BCKDHB: variants seen among roughly 807,000 people sequenced by gnomAD.
BCKDHB encodes branched chain keto acid dehydrogenase E1 subunit beta.
BCKDHB carries 41 observed loss-of-function variants against 48.5 expected under a neutral mutation model. The ratio of observed to expected loss-of-function variants is 0.85; its 90% CI spans 0.66 to 1.10. BCKDHB has a LOEUF of 1.10. Among genes scored for constraint, BCKDHB ranks in the 50% least tolerant of loss-of-function variants. BCKDHB has a pLI of 0.00. For synonymous variants in BCKDHB, 201 were observed against 174.8 expected (o/e 1.15, Z -1.18); for missense variants, 496 against 494.2 (o/e 1.00, Z -0.03).
At chr6:80,402,755 T>G in the BCKDHB span, among the ~76,000 whole-genome samples, 1 of 151,942 alleles carries the variant, frequency 6.6e-6, no homozygotes, top group East Asian at 1.9e-4. Context: ...ATTAAGTCTT[T>G]AATCCATTTT....
rs544273049 is a variant in BCKDHB at position 80,137,951 on chromosome 6, G to A, written c.343+8722G>A. On this transcript the variant is annotated intron_variant, in intron 3 of 9. Transcript: ENST00000320393. ...AAAATTAAAAAAAAAAAATAGCTGA[G>A]CAGGGTGGCACACAGCTGTAGTCCA... is the stretch of plus-strand genomic sequence containing the variant. Among the ~76,000 whole-genome samples the A allele has an allele frequency of 3.9e-5, 6 of 152,048 alleles. No individual in the cohort carries two copies. The South Asian group carries it at 1.2e-3, about 32-fold the overall frequency.
At chr6:80,341,104 A>T (rs80085074) in intron 9 of BCKDHB, among the ~76,000 whole-genome samples, 2,348 of 149,200 alleles carry the variant, frequency 0.016, 25 homozygotes, top group Non-Finnish European at 0.022. Flanking sequence ...TCTTAAAAAG[A>T]CTGATATCCT....
chr6:80,432,058 A>G, the BCKDHB span, among the ~76,000 whole-genome samples: 1 of 151,816 alleles, frequency 6.6e-6, no homozygotes, highest in Admixed American at 6.6e-5. Context: ...CTGCAGAGAG[A>G]TCCACTGTTA....
the BCKDHB span, among the ~76,000 whole-genome samples, chr6:80,378,403 G>A: frequency 6.6e-6 from 1 of 151,966 alleles, no homozygotes; most frequent in East Asian, 1.9e-4. Context: ...TTGCTGCAAA[G>A]ACATGATTTT....
At chr6:80,385,487 C>T in the BCKDHB span, among the ~76,000 whole-genome samples, 1 of 152,024 alleles carries the variant, frequency 6.6e-6, no homozygotes, top group African/African-American at 2.4e-5. Context: ...ACCTTTTTTG[C>T]CAGAAGAAAC....
intron 8 of BCKDHB, among the ~76,000 whole-genome samples, chr6:80,248,569 A>G (rs931924593): frequency 2.0e-5 from 3 of 152,174 alleles, no homozygotes; most frequent in Admixed American, 6.6e-5. Context: ...TGGCTTGACT[A>G]CAGGATCAGT....
intron 4 of BCKDHB, 37 bp from the exon 5 acceptor site, chr6:80,168,838 C>G (rs1398675900): frequency 1.3e-6 from 2 of 1,585,622 alleles, no homozygotes; most frequent in East Asian, 4.6e-5. Flanking sequence ...GGGAAGGACT[C>G]ATTGTGCCAT....
intron 3 of BCKDHB, among the ~76,000 whole-genome samples, chr6:80,144,320 TTTTG>T (rs1771366096): frequency 6.6e-6 from 1 of 152,208 alleles, no homozygotes. Flanking sequence ...GCACTTTTTC[TTTTG>T]TCAAATAAAG....
the BCKDHB span, among the ~76,000 whole-genome samples, chr6:80,435,891 G>A: frequency 1.3e-5 from 2 of 152,286 alleles, no homozygotes; most frequent in East Asian, 3.9e-4. Context: ...AGATTAGCTG[G>A]CTGTAGTGGC....
At position 80,167,781 on chromosome 6, in the gene BCKDHB, T is replaced by C. The variant is rs35969420; in HGVS notation, c.447T>C (p.Phe149=). ...TGATAIAEIQ[F]ADYIFPAFDQ... is the part of the protein sequence containing the mutation. ...CTACTGCCATTGCGGAAATTCAGTT[T>C]GCAGATTATATTTTCCCTGCATTTG... The change falls in exon 4 of 10, where the codon TTT becomes TTC. Residue 149 remains phenylalanine (F), a synonymous_variant. Coordinates refer to ENST00000320393, the MANE Select transcript of BCKDHB (RefSeq NM_183050.4). 534 of 1,614,006 alleles carry C rather than the reference T, an allele frequency of 3.3e-4. 3 individuals are homozygous for C. The African/African-American group carries it at 6.0e-3, about 18-fold the overall frequency.
At chr6:80,316,804 A>G (rs1389600988) in intron 9 of BCKDHB, among the ~76,000 whole-genome samples, 1 of 152,364 alleles carries the variant, frequency 6.6e-6, no homozygotes, top group Admixed American at 6.5e-5. Context: ...TGTTTCATGC[A>G]TAGACTATGC....
chr6:80,304,172 T>C (rs1767734034), intron 9 of BCKDHB, among the ~76,000 whole-genome samples: 1 of 152,148 alleles, frequency 6.6e-6, no homozygotes, highest in Non-Finnish European at 1.5e-5. Context: ...ATGTGAGCAA[T>C]ACTGTGGTAT....
At chr6:80,215,647 C>T (rs956568972) in intron 8 of BCKDHB, among the ~76,000 whole-genome samples, 1 of 152,190 alleles carries the variant, frequency 6.6e-6, no homozygotes, top group Non-Finnish European at 1.5e-5. Context: ...GATTATCAGT[C>T]ATGCCATGGG....
At chr6:80,436,020 T>C in the BCKDHB span, among the ~76,000 whole-genome samples, 1 of 152,182 alleles carries the variant, frequency 6.6e-6, no homozygotes, top group African/African-American at 2.4e-5. Flanking sequence ...GCGCTTGATG[T>C]TAAATGAAAA....
chr6:80,125,009 C>A (rs1770267167), intron 1 of BCKDHB, among the ~76,000 whole-genome samples: 1 of 152,196 alleles, frequency 6.6e-6, no homozygotes. Context: ...GCATTGACTT[C>A]TCTTTAGCTA....
At chr6:80,243,318 A>G (rs747010621) in intron 8 of BCKDHB, among the ~76,000 whole-genome samples, 59 of 152,158 alleles carry the variant, frequency 3.9e-4, no homozygotes, top group Non-Finnish European at 7.3e-4. Flanking sequence ...GAGAGTCCCA[A>G]TCAGGGGGAA....
At chr6:80,391,708 C>T in the BCKDHB span, among the ~76,000 whole-genome samples, 4 of 152,136 alleles carry the variant, frequency 2.6e-5, no homozygotes, top group Non-Finnish European at 4.4e-5. Flanking sequence ...ACAGGTGGTG[C>T]TTAATGAACC....
intron 9 of BCKDHB, among the ~76,000 whole-genome samples, chr6:80,335,784 T>C (rs1290316853): frequency 1.3e-5 from 2 of 152,046 alleles, no homozygotes; most frequent in Non-Finnish European, 1.5e-5. Flanking sequence ...GAAACTTTGA[T>C]AGTTCAAGAC....
At chr6:80,291,019 T>C (rs2127984177) in intron 9 of BCKDHB, among the ~76,000 whole-genome samples, 1 of 152,342 alleles carries the variant, frequency 6.6e-6, no homozygotes, top group Non-Finnish European at 1.5e-5. Context: ...CCAGCTTCTT[T>C]ACTGCAGCCT....
Sources: allele counts gnomAD v4.1 joint callset (sites outside exome capture counted in the v4.1 genomes callset), GRCh38; gene constraint gnomAD v4.1.1; transcripts MANE v1.5; gene names NCBI Gene and HGNC (gene_info 2026-07-23, HGNC 2026-07-21).